DPY19L1: variants seen among roughly 807,000 people sequenced by gnomAD.
DPY19L1 encodes the protein protein C-mannosyl-transferase DPY19L1.
In DPY19L1, 35 loss-of-function variants were observed where a neutral mutation model predicts 96.9. The ratio of observed to expected loss-of-function variants is 0.36; its 90% CI spans 0.28 to 0.48. The LOEUF is 0.48. Among genes scored for constraint, DPY19L1 ranks in the 20% least tolerant of loss-of-function variants. The probability of loss-of-function intolerance (pLI) is 0.99; values close to 1 mark genes in which losing one functional copy is unlikely to be tolerated. For missense variants in DPY19L1, 521 were observed against 777.9 expected, an observed-to-expected ratio of 0.67 and a Z score of 3.93; for synonymous variants, 205 against 252.6, an observed-to-expected ratio of 0.81 and a Z score of 1.79.
At chr7:35,009,263 C>A (rs1045740112) in intron 6 of DPY19L1, among the ~76,000 whole-genome samples, 1 of 152,018 alleles carries the variant, frequency 6.6e-6, no homozygotes, top group South Asian at 2.1e-4. Context: ...GGAGATAATG[C>A]GATAATAGCA....
intron 8 of DPY19L1, among the ~76,000 whole-genome samples, chr7:34,971,200 A>AG (rs1169993009): frequency 6.6e-6 from 1 of 152,146 alleles, no homozygotes. Flanking sequence ...AGACAATGTC[A>AG]GTAATAAGGA....
At chr7:34,979,620 G>A (rs912431065) in intron 7 of DPY19L1, among the ~76,000 whole-genome samples, 12 of 152,034 alleles carry the variant, frequency 7.9e-5, no homozygotes, top group African/African-American at 2.9e-4. Context: ...GTGTATTACA[G>A]AATAATTTGT....
At chr7:34,944,875 T>C (rs1350356845) in intron 16 of DPY19L1, among the ~76,000 whole-genome samples, 2 of 152,196 alleles carry the variant, frequency 1.3e-5, no homozygotes, top group Non-Finnish European at 2.9e-5. Context: ...TCCCATCTAC[T>C]ACCTCCCACT....
At chr7:34,943,900 G>A (rs1784080408) in intron 16 of DPY19L1, among the ~76,000 whole-genome samples, 1 of 151,842 alleles carries the variant, frequency 6.6e-6, no homozygotes, top group Non-Finnish European at 1.5e-5. Context: ...TTCCCCCTTA[G>A]CCCTCAACTC....
At chr7:35,005,887 G>A (rs1319880879) in intron 6 of DPY19L1, among the ~76,000 whole-genome samples, 4 of 152,096 alleles carry the variant, frequency 2.6e-5, no homozygotes, top group African/African-American at 7.2e-5. Context: ...GAGGCGGATG[G>A]GAAGGAACCA....
chr7:34,957,905 T>C lies in DPY19L1; in HGVS notation c.1179+79A>G, dbSNP rs11972089. ...AGATGGTTCCTACAGAAAACCCTGATGAATCCTAAGCCAGTGAAGAAAAAA... is the reference window on the plus strand; with the variant it reads ...AGATGGTTCCTACAGAAAACCCTGACGAATCCTAAGCCAGTGAAGAAAAAA... On this transcript the variant is annotated intron_variant, in intron 11 of 21. Transcript: ENST00000638088. 7.3e-5 allele frequency: 65 copies of C among 891,756 alleles called. No individual in the cohort carries two copies. In the Middle Eastern group the frequency reaches 2.2e-3, roughly 30 times the overall value. The allele number at this position is 891,756 out of a possible 1,614,324, so 55.2% of individuals were successfully genotyped here.
intron 7 of DPY19L1, among the ~76,000 whole-genome samples, chr7:34,988,396 A>C (rs1337257781): frequency 6.6e-6 from 1 of 151,816 alleles, no homozygotes; most frequent in Admixed American, 6.6e-5. Context: ...ACACTATCAC[A>C]ATGTGCAGGA....
intron 9 of DPY19L1, among the ~76,000 whole-genome samples, chr7:34,967,341 G>A (rs1035625228): frequency 6.9e-4 from 105 of 152,164 alleles, no homozygotes; most frequent in African/African-American, 2.4e-3. Flanking sequence ...AATTGGGGAA[G>A]GTACATTTAA....
chr7:35,005,471 G>T (rs372987659), intron 6 of DPY19L1, among the ~76,000 whole-genome samples: 5 of 151,296 alleles, frequency 3.3e-5, no homozygotes, highest in Admixed American at 1.3e-4. Flanking sequence ...AGACTAGATG[G>T]GGGTAGCAAG....
chr7:35,017,150 T>TTC (rs1785870084), intron 3 of DPY19L1, among the ~76,000 whole-genome samples: 7 of 152,038 alleles, frequency 4.6e-5, no homozygotes, highest in Admixed American at 4.6e-4. Context: ...TAGAGACACT[T>TTC]ATGAAAGTAT....
At chr7:34,944,601 C>A (rs547787578) in intron 16 of DPY19L1, among the ~76,000 whole-genome samples, 1 of 152,228 alleles carries the variant, frequency 6.6e-6, no homozygotes, top group African/African-American at 2.4e-5. Flanking sequence ...ATCCTATACA[C>A]ACACACACTG....
intron 2 of DPY19L1, 87 bp downstream of exon 2, chr7:35,018,485 A>C (rs1785912649): frequency 1.6e-6 from 2 of 1,244,470 alleles, no homozygotes; most frequent in African/African-American, 1.5e-5. Flanking sequence ...GATCATGCTG[A>C]AATTATTCCT....
At chr7:34,977,289 A>C (rs1784850397) in intron 7 of DPY19L1, among the ~76,000 whole-genome samples, 1 of 152,210 alleles carries the variant, frequency 6.6e-6, no homozygotes, top group Non-Finnish European at 1.5e-5. Flanking sequence ...ACAAGTATTC[A>C]AACAAGCAAG....
rs2128778205 is a variant in DPY19L1 at position 34,929,069 on chromosome 7, T to C, written c.*2504A>G. 1 of 152,372 alleles carries C rather than the reference T, an allele frequency of 6.6e-6. No homozygotes were observed. Among genetic ancestry groups the C allele is most frequent in the African/African-American group, 2.4e-5 (1 of 41,584 alleles). 9.4% of individuals were successfully genotyped at this position (152,372 alleles called of 1,614,324 possible). On this transcript the variant is annotated 3_prime_UTR_variant, in exon 22 of 22. Coordinates refer to ENST00000638088, the MANE Select transcript of DPY19L1 (RefSeq NM_001366673.1). ...TGCCAAGCATTTTTAGAGGCTTATC[T>C]TTTTAAAGAAATACAGCCCCAACTT...
chr7:34,939,608 T>G (rs1398881894), intron 19 of DPY19L1, among the ~76,000 whole-genome samples: 2 of 152,194 alleles, frequency 1.3e-5, no homozygotes, highest in Non-Finnish European at 2.9e-5. Flanking sequence ...ATCTCATCAT[T>G]AAAGATTTCT....
chr7:35,031,111 A>G (rs1786249547), intron 1 of DPY19L1, among the ~76,000 whole-genome samples: 1 of 152,208 alleles, frequency 6.6e-6, no homozygotes, highest in South Asian at 2.1e-4. Flanking sequence ...CCCATTTGGA[A>G]CTATGTACAC....
intron 8 of DPY19L1, among the ~76,000 whole-genome samples, chr7:34,973,218 G>C (rs1185180856): frequency 6.6e-6 from 1 of 152,042 alleles, no homozygotes; most frequent in East Asian, 1.9e-4. Context: ...TCATTTTCAA[G>C]AGGTTACAGT....
chr7:35,036,019 C>T (rs1428039121), intron 1 of DPY19L1, among the ~76,000 whole-genome samples: 2 of 152,086 alleles, frequency 1.3e-5, no homozygotes. Context: ...AAAAAAGTAC[C>T]CTAGGAACAA....
At chr7:34,979,041 T>C (rs1446388090) in intron 7 of DPY19L1, among the ~76,000 whole-genome samples, 1 of 152,254 alleles carries the variant, frequency 6.6e-6, no homozygotes, top group East Asian at 1.9e-4. Flanking sequence ...GTACTATCTT[T>C]ATAAAGAATT....
Sources: allele counts gnomAD v4.1 joint callset (sites outside exome capture counted in the v4.1 genomes callset), GRCh38; gene constraint gnomAD v4.1.1; transcripts MANE v1.5; gene names NCBI Gene and HGNC (gene_info 2026-07-23, HGNC 2026-07-21).